The following MAP7 variants were observed in gnomAD, a reference collection of about 807,000 sequenced individuals.
MAP7 encodes the protein microtubule associated protein 7.
In MAP7, 52 loss-of-function variants were observed where a neutral mutation model predicts 94.8. The ratio of observed to expected loss-of-function variants is 0.55; its 90% CI spans 0.44 to 0.69. MAP7 has a LOEUF of 0.69. Among genes scored for constraint, MAP7 ranks in the 30% least tolerant of loss-of-function variants. The pLI, the probability that MAP7 is intolerant of heterozygous loss-of-function variation, is 0.00. For missense variants in MAP7, 940 were observed against 964.6 expected (o/e 0.97, Z 0.34); for synonymous variants, 350 against 357.0 (o/e 0.98, Z 0.22).
intron 1 of MAP7, among the ~76,000 whole-genome samples, chr6:136,425,073 C>T (rs908405461): frequency 1.3e-5 from 2 of 152,204 alleles, no homozygotes; most frequent in African/African-American, 4.8e-5. Flanking sequence ...GAGACAGCTC[C>T]TATGTGACTG....
At chr6:136,536,046 T>G (rs2129057938) in intron 1 of MAP7, among the ~76,000 whole-genome samples, 1 of 152,278 alleles carries the variant, frequency 6.6e-6, no homozygotes, top group African/African-American at 2.4e-5. Flanking sequence ...GGTTTCCAGC[T>G]TCATCCATGT....
At chr6:136,489,078 A>G (rs949945080) in intron 1 of MAP7, among the ~76,000 whole-genome samples, 2 of 152,166 alleles carry the variant, frequency 1.3e-5, no homozygotes, top group African/African-American at 4.8e-5. Flanking sequence ...TAATAGGCAC[A>G]GAAAGAGATC....
chr6:136,512,449 A>T (rs1298240043), intron 1 of MAP7, among the ~76,000 whole-genome samples: 5 of 152,254 alleles, frequency 3.3e-5, no homozygotes, highest in African/African-American at 1.2e-4. Context: ...TCAACTTTTT[A>T]TCTAGGGTGT....
At chr6:136,473,568 T>C (rs1809802105) in intron 1 of MAP7, among the ~76,000 whole-genome samples, 2 of 152,232 alleles carry the variant, frequency 1.3e-5, no homozygotes, top group African/African-American at 4.8e-5. Flanking sequence ...GTTTCTAAAA[T>C]GCCTTTATTA....
intron 10 of MAP7, among the ~76,000 whole-genome samples, chr6:136,362,967 C>T (rs1793271363): frequency 6.6e-6 from 1 of 152,184 alleles, no homozygotes; most frequent in Non-Finnish European, 1.5e-5. Flanking sequence ...AATCAGTTAA[C>T]ATATATTGAA....
At chr6:136,506,732 A>G (rs1032527573) in intron 1 of MAP7, among the ~76,000 whole-genome samples, 3 of 152,204 alleles carry the variant, frequency 2.0e-5, no homozygotes, top group Non-Finnish European at 4.4e-5. Context: ...CAAACTAAAT[A>G]TGGCCTGAAG....
At chr6:136,502,876 C>A (rs1323899320) in intron 1 of MAP7, among the ~76,000 whole-genome samples, 1 of 151,988 alleles carries the variant, frequency 6.6e-6, no homozygotes, top group African/African-American at 2.4e-5. Context: ...AATAAGGCAG[C>A]CATACAATGC....
At chr6:136,510,642 T>C (rs1822991953) in intron 1 of MAP7, among the ~76,000 whole-genome samples, 1 of 152,092 alleles carries the variant, frequency 6.6e-6, no homozygotes, top group South Asian at 2.1e-4. Context: ...TGCAGTCAAC[T>C]ACAGTCTGAA....
At chr6:136,431,492 C>A (rs1003156764) in intron 1 of MAP7, among the ~76,000 whole-genome samples, 24 of 145,352 alleles carry the variant, frequency 1.7e-4, no homozygotes, top group Non-Finnish European at 1.2e-4. Context: ...CTTTTTAATG[C>A]TTTATTTATT....
In MAP7 at chr6:136,359,856, C is replaced by T. The variant is rs144653770; in HGVS notation, c.1876G>A (p.Gly626Ser). 5.0e-6 allele frequency: 8 copies of T among 1,613,294 alleles called. No homozygotes were observed. The highest frequency in any genetic ancestry group is 1.7e-5 in the Admixed American group (1 of 59,968). Reference protein sequence around the residue: ...TDKKTSDQRNGDIAKGALTGG... With the variant: ...TDKKTSDQRNSDIAKGALTGG... ...GTGAGAGCTCCCTTGGCTATATCAC[C>T]GTTTCTCTGATCACTGGTTTTCTAC... is the stretch of plus-strand genomic sequence containing the variant. The change falls in exon 15 of 18, where the codon GGT (glycine) becomes AGT (serine). Residue 626 changes from glycine (G) to serine (S), a missense_variant. Gly to Ser is a moderately conservative substitution (Grantham distance 56). Transcript: ENST00000354570.
In MAP7 at chr6:136,388,495, C is replaced by G; in HGVS notation, c.424G>C (p.Val142Leu). 2.5e-6 allele frequency: 4 copies of G among 1,614,054 alleles called. No individual in the cohort carries two copies. The Middle Eastern group carries it at 6.6e-4, about 267-fold the overall frequency. The change falls in exon 5 of 18, where the codon GTT (valine) becomes CTT (leucine). Residue 142 changes from valine (V) to leucine (L), a missense_variant. Coordinates refer to ENST00000354570, the MANE Select transcript of MAP7 (RefSeq NM_003980.6). ...LEEDKERHEA[V>L]VRRTMERSQK... ...CTCCTTTCCATTGTGCGCCGTACAA[C>G]AGCTTCGTGGCGTTCCTTAGATGGA... is the stretch of plus-strand genomic sequence containing the variant.
At chr6:136,358,725 A>C (rs922170312) in intron 15 of MAP7, among the ~76,000 whole-genome samples, 4 of 152,194 alleles carry the variant, frequency 2.6e-5, no homozygotes, top group Non-Finnish European at 5.9e-5. Flanking sequence ...AAACTGCAGT[A>C]CCTCTGGTCT....
At chr6:136,462,265 G>A (rs949120231) in intron 1 of MAP7, among the ~76,000 whole-genome samples, 4 of 151,776 alleles carry the variant, frequency 2.6e-5, no homozygotes, top group South Asian at 2.1e-4. Flanking sequence ...TCAGTGAAAC[G>A]CTATGAGAAA....
At chr6:136,489,459 G>T (rs1815847508) in intron 1 of MAP7, among the ~76,000 whole-genome samples, 1 of 139,042 alleles carries the variant, frequency 7.2e-6, no homozygotes. Context: ...TATTTATTTA[G>T]TTTATTTGGC....
chr6:136,472,508 T>C (rs1164021949), intron 1 of MAP7, among the ~76,000 whole-genome samples: 1 of 152,206 alleles, frequency 6.6e-6, no homozygotes, highest in Non-Finnish European at 1.5e-5. Flanking sequence ...TCTTTGACTT[T>C]AAAAAACACA....
intron 1 of MAP7, among the ~76,000 whole-genome samples, chr6:136,542,803 T>C (rs1829434833): frequency 6.6e-6 from 1 of 152,160 alleles, no homozygotes; most frequent in African/African-American, 2.4e-5. Context: ...GTATTATACC[T>C]AGGCTCTGGG....
rs79480548 is a variant in MAP7, at chr6:136,517,363, A to G, written c.67+32979T>C. 5.7e-3 allele frequency among the ~76,000 whole-genome samples: 868 copies of G among 152,318 alleles called. 5 individuals carry two copies. Among genetic ancestry groups the G allele is most frequent in the African/African-American group, 0.02 (832 of 41,570 alleles). ...AGATTAGGGAAAATATCTCTATAAA[A>G]AGAGACTGGCTAAGGTTTGGCACAG... On this transcript the variant is annotated intron_variant, in intron 1 of 17. Coordinates refer to ENST00000354570, the MANE Select transcript of MAP7 (RefSeq NM_003980.6).
intron 1 of MAP7, among the ~76,000 whole-genome samples, chr6:136,522,712 T>C (rs1410046381): frequency 6.6e-6 from 1 of 152,196 alleles, no homozygotes; most frequent in Non-Finnish European, 1.5e-5. Flanking sequence ...CATCTTGCTA[T>C]GATGCTTTGG....
In MAP7 at chr6:136,356,777, A is replaced by AT; in HGVS notation, c.1929dup (p.Cys644MetfsTer39). The AT allele has an allele frequency of 6.2e-7, 1 of 1,614,080 alleles. No homozygotes were observed. The highest frequency in any genetic ancestry group is 8.5e-7 in the Non-Finnish European group (1 of 1,179,954). The stretch of plus-strand genomic sequence containing the variant: ...CCATTTCCCGGAGCGTTTGTTGTAC[A>AT]TGGAAGTGCAGACACCTCTGGGCAT... On this transcript the variant is annotated frameshift_variant, in exon 16 of 18. Coordinates refer to ENST00000354570, the MANE Select transcript of MAP7 (RefSeq NM_003980.6). LOFTEE classifies it high-confidence loss of function.
Sources: allele counts gnomAD v4.1 joint callset (sites outside exome capture counted in the v4.1 genomes callset), GRCh38; gene constraint gnomAD v4.1.1; transcripts MANE v1.5; gene names NCBI Gene and HGNC (gene_info 2026-07-23, HGNC 2026-07-21).